Variants in ST8SIA6 observed in about 807,000 individuals in gnomAD.
The protein encoded by ST8SIA6 is alpha-2,8-sialyltransferase 8F.
ST8SIA6 carries 39 observed loss-of-function variants against 33.6 expected under a neutral mutation model. The observed-to-expected ratio is 1.16, with a 90% confidence interval of 0.90 to 1.52. The LOEUF (loss-of-function observed/expected upper bound fraction) is 1.52, where lower values mean the gene tolerates loss of function less well. Ranked by LOEUF, ST8SIA6 falls within the 40% of genes most tolerant of loss-of-function variation. The pLI, the probability that ST8SIA6 is intolerant of heterozygous loss-of-function variation, is 0.00. For synonymous variants in ST8SIA6, 172 were observed against 167.2 expected, an observed-to-expected ratio of 1.03 and a Z score of -0.22; for missense variants, 441 against 443.8, an observed-to-expected ratio of 0.99 and a Z score of 0.06.
At chr10:17,352,616 C>T (rs1356371783) in intron 4 of ST8SIA6, among the ~76,000 whole-genome samples, 1 of 152,092 alleles carries the variant, frequency 6.6e-6, no homozygotes, top group African/African-American at 2.4e-5. Context: ...TTGAGTACAA[C>T]TTGGGAGATA....
intron 2 of ST8SIA6, among the ~76,000 whole-genome samples, chr10:17,415,787 T>G: frequency 6.7e-6 from 1 of 148,510 alleles, no homozygotes; most frequent in African/African-American, 2.5e-5. Context: ...CCAAATTCAA[T>G]GGACGCCTCA....
chr10:17,386,724 GC>G (rs1214450367), intron 3 of ST8SIA6, among the ~76,000 whole-genome samples: 1 of 152,172 alleles, frequency 6.6e-6, no homozygotes, highest in Non-Finnish European at 1.5e-5. Flanking sequence ...GCCATTTCAG[GC>G]CGAGGCCTAA....
intron 6 of ST8SIA6, among the ~76,000 whole-genome samples, chr10:17,325,150 C>T (rs1235478883): frequency 7.1e-6 from 1 of 139,862 alleles, no homozygotes; most frequent in African/African-American, 2.6e-5. Context: ...AAAATGTATG[C>T]ATATTGTTAT....
At chr10:17,373,701 A>G (rs1205516587) in intron 3 of ST8SIA6, among the ~76,000 whole-genome samples, 2 of 152,216 alleles carry the variant, frequency 1.3e-5, no homozygotes, top group Admixed American at 1.3e-4. Context: ...CAGATTTGCT[A>G]TCTTTCCCGG....
Position 17,453,596 on chromosome 10 carries a change from G to C in ST8SIA6, c.163C>G (p.Arg55Gly), listed in dbSNP as rs748747905. 3 of 1,331,762 alleles carry C rather than the reference G, an allele frequency of 2.3e-6. No homozygotes were observed. The highest frequency in any genetic ancestry group is 2.9e-6 in the Non-Finnish European group (3 of 1,033,564). The allele number at this position is 1,331,762 out of a possible 1,614,324, so 82.5% of individuals were successfully genotyped here. A position where few individuals can be genotyped will look rare whatever the true frequency, so the allele number is the denominator to read the frequency against. The change falls in exon 2 of 8, where the codon CGG becomes GGG. Residue 55 changes from arginine to glycine, a missense_variant. Arg to Gly is a moderately radical substitution (Grantham distance 125). Transcript: ENST00000377602. ...HGTPAALRTL[R>G]SPATAVPRAT... is the part of the protein sequence containing the mutation. Reference sequence around the variant, plus strand: ...CGCGGTACCGCGGTCGCCGGGCTCCGGAGCGTCCTCAGCGCTGCGGGGGTG... The same window carrying C: ...CGCGGTACCGCGGTCGCCGGGCTCCCGAGCGTCCTCAGCGCTGCGGGGGTG...
In ST8SIA6 at chr10:17,331,499, T is replaced by C; in HGVS notation, c.431A>G (p.Asn144Ser). 1 of 1,613,400 alleles carries C rather than the reference T, an allele frequency of 6.2e-7. No homozygotes were observed. The highest frequency in any genetic ancestry group is 8.5e-7 in the Non-Finnish European group (1 of 1,179,816). The change falls in exon 5 of 8, where the codon AAT becomes AGT. Residue 144 changes from asparagine to serine, a missense_variant. By Grantham distance (46) the Asn-to-Ser change is conservative. Coordinates refer to ENST00000377602, the MANE Select transcript of ST8SIA6 (RefSeq NM_001004470.3). ...CATATTAGTCCCAACTGGAGTGTTA[T>C]TCTGAGAAACAACAAAGTTTTGAAC... is the stretch of plus-strand genomic sequence containing the variant. ...DAVQNFVVSQ[N>S]NTPVGTNMSY...
intron 2 of ST8SIA6, among the ~76,000 whole-genome samples, chr10:17,430,595 T>C (rs2131720860): frequency 6.6e-6 from 1 of 152,300 alleles, no homozygotes; most frequent in East Asian, 1.9e-4. Context: ...CAGAGTAAGG[T>C]GGTATCTCAC....
chr10:17,446,788 A>C (rs150762928), intron 2 of ST8SIA6, among the ~76,000 whole-genome samples: 2,055 of 151,964 alleles, frequency 0.014, 25 homozygotes, highest in Non-Finnish European at 0.022. Context: ...AAGGGCTGGG[A>C]GCGGTGGCTC....
chr10:17,348,423 C>A (rs1376840453), intron 4 of ST8SIA6, among the ~76,000 whole-genome samples: 1 of 152,114 alleles, frequency 6.6e-6, no homozygotes, highest in Non-Finnish European at 1.5e-5. Context: ...TAAAAGGTCT[C>A]ATTATTTCAT....
chr10:17,425,273 G>A (rs868315425), intron 2 of ST8SIA6, among the ~76,000 whole-genome samples: 2 of 152,054 alleles, frequency 1.3e-5, no homozygotes, highest in African/African-American at 2.4e-5. Flanking sequence ...CACAAGACAA[G>A]GACTGAAATA....
rs554690223 is a variant in ST8SIA6 at position 17,428,627 on chromosome 10, G to A, written c.200+24932C>T. ...GTCTCCAGGGAGGAGCTAAGCAGCCGGCTAGGTAGAAGAGGAGGCGGCCAA... is the reference window on the plus strand; with the variant it reads ...GTCTCCAGGGAGGAGCTAAGCAGCCAGCTAGGTAGAAGAGGAGGCGGCCAA... On this transcript the variant is annotated intron_variant, in intron 2 of 7. Coordinates refer to ENST00000377602, the MANE Select transcript of ST8SIA6 (RefSeq NM_001004470.3). Among the ~76,000 whole-genome samples, 13 of 152,010 alleles carry A rather than the reference G, an allele frequency of 8.6e-5. No individual in the cohort carries two copies. The East Asian group carries it at 1.2e-3, about 14-fold the overall frequency.
intron 3 of ST8SIA6, among the ~76,000 whole-genome samples, chr10:17,360,964 G>A: frequency 6.6e-6 from 1 of 150,524 alleles, no homozygotes; most frequent in Admixed American, 6.6e-5. Flanking sequence ...GGAGGAGGAG[G>A]AGAAGAAGAA....
intron 7 of ST8SIA6, among the ~76,000 whole-genome samples, chr10:17,322,196 CAGAA>C (rs1847977269): frequency 8.7e-6 from 1 of 114,744 alleles, no homozygotes; most frequent in African/African-American, 3.3e-5. Context: ...GAAAGAGAGA[CAGAA>C]AGGAAAGAAA....
chr10:17,353,297 T>G (rs775577353), intron 4 of ST8SIA6, among the ~76,000 whole-genome samples: 2 of 152,190 alleles, frequency 1.3e-5, no homozygotes, highest in Non-Finnish European at 2.9e-5. Flanking sequence ...ATTTTCCAGT[T>G]TTATGATCTA....
chr10:17,320,675 T>A lies in ST8SIA6; in HGVS notation c.*203A>T. On this transcript the variant is annotated 3_prime_UTR_variant, in exon 8 of 8. Transcript: ENST00000377602. ...AAAAATTTGTATGAGTCAGATATGGTGTCCATGTTATAAGGAGAAAAAATG... is the reference window on the plus strand; with the variant it reads ...AAAAATTTGTATGAGTCAGATATGGAGTCCATGTTATAAGGAGAAAAAATG... The A allele has an allele frequency of 1.7e-6, 1 of 585,792 alleles. No individual in the cohort carries two copies. The highest frequency in any genetic ancestry group is 3.0e-6 in the Non-Finnish European group (1 of 331,356). The allele number at this position is 585,792 out of a possible 1,614,324, so 36.3% of individuals were successfully genotyped here. A position where few individuals can be genotyped will look rare whatever the true frequency, so the allele number is the denominator to read the frequency against.
In ST8SIA6 at chr10:17,451,758, A is replaced by T. The variant is rs1178396413; in HGVS notation, c.200+1801T>A. ...TCTATACAACCAAGTAGTATGGTGGATTAAAACTTGCACCCCTGCTCCATA... is the reference window on the plus strand; with the variant it reads ...TCTATACAACCAAGTAGTATGGTGGTTTAAAACTTGCACCCCTGCTCCATA... On this transcript the variant is annotated intron_variant, in intron 2 of 7. Coordinates refer to ENST00000377602, the MANE Select transcript of ST8SIA6 (RefSeq NM_001004470.3). 2.6e-5 allele frequency among the ~76,000 whole-genome samples: 4 copies of T among 152,196 alleles called. No homozygotes were observed. In the South Asian group the frequency reaches 6.2e-4, roughly 24 times the overall value.
intron 2 of ST8SIA6, among the ~76,000 whole-genome samples, chr10:17,442,302 A>T (rs1478152246): frequency 1.3e-5 from 2 of 152,222 alleles, no homozygotes; most frequent in Non-Finnish European, 2.9e-5. Context: ...TTTTCCAAGA[A>T]ACCAGCCCAA....
intron 3 of ST8SIA6, among the ~76,000 whole-genome samples, chr10:17,373,521 T>C (rs1849799348): frequency 6.6e-6 from 1 of 152,188 alleles, no homozygotes; most frequent in South Asian, 2.1e-4. Flanking sequence ...CTGGAGACTC[T>C]CTTCCCAGTT....
chr10:17,378,946 GA>G (rs1227307293), intron 3 of ST8SIA6, among the ~76,000 whole-genome samples: 4 of 152,050 alleles, frequency 2.6e-5, no homozygotes, highest in Non-Finnish European at 1.5e-5. Context: ...CTAACATGGT[GA>G]AACCCCGTTA....
Sources: allele counts gnomAD v4.1 joint callset (sites outside exome capture counted in the v4.1 genomes callset), GRCh38; gene constraint gnomAD v4.1.1; transcripts MANE v1.5; gene names NCBI Gene and HGNC (gene_info 2026-07-23, HGNC 2026-07-21).